ALPK1: variants seen among roughly 807,000 people sequenced by gnomAD.
The protein encoded by ALPK1 is alpha kinase 1, also known as alpha-protein kinase 1.
A neutral mutation model predicts 120.6 loss-of-function variants in ALPK1; 110 were observed. The ratio of observed to expected loss-of-function variants is 0.91; its 90% CI spans 0.78 to 1.07. The LOEUF is 1.07. Among genes scored for constraint, ALPK1 ranks in the 50% least tolerant of loss-of-function variants. The pLI is 0.00. For synonymous variants in ALPK1, 582 were observed against 560.3 expected (o/e 1.04, Z -0.55); for missense variants, 1,498 against 1,483.9 (o/e 1.01, Z -0.16).
intron 3 of ALPK1, among the ~76,000 whole-genome samples, chr4:112,380,450 C>T (rs1731851444): frequency 1.3e-5 from 2 of 152,104 alleles, no homozygotes; most frequent in African/African-American, 4.8e-5. Context: ...AAGCCATCCT[C>T]GGTAATCAGT....
chr4:112,441,309 C>T lies in ALPK1; in HGVS notation c.*99C>T. The T allele has an allele frequency of 4.6e-6, 4 of 871,704 alleles. No homozygotes were observed. Among genetic ancestry groups the T allele is most frequent in the Non-Finnish European group, 8.0e-6 (4 of 502,512 alleles). The allele number at this position is 871,704 out of a possible 1,614,324, so 54.0% of individuals were successfully genotyped here. A position where few individuals can be genotyped will look rare whatever the true frequency, so the allele number is the denominator to read the frequency against. On this transcript the variant is annotated 3_prime_UTR_variant, in exon 16 of 16. Coordinates refer to ENST00000650871, the MANE Select transcript of ALPK1 (RefSeq NM_025144.4). ...GAATTGATCAGTATCACTTTAAGTC[C>T]TGCATTTAATTGGCAGCACAAGATC...
At chr4:112,396,951 T>C (rs1017435202) in intron 4 of ALPK1, among the ~76,000 whole-genome samples, 4 of 152,218 alleles carry the variant, frequency 2.6e-5, no homozygotes, top group African/African-American at 9.6e-5. Flanking sequence ...ATTTTTTTTG[T>C]ATTTTAACAG....
intron 2 of ALPK1, among the ~76,000 whole-genome samples, chr4:112,331,114 G>T (rs1729350725): frequency 6.6e-6 from 1 of 152,180 alleles, no homozygotes; most frequent in South Asian, 2.1e-4. Context: ...AGCCAGATTT[G>T]CTGTGGTAAG....
Position 112,412,864 on chromosome 4 carries a change from C to A in ALPK1, c.475+839C>A, listed in dbSNP as rs533994537. 7.2e-4 allele frequency among the ~76,000 whole-genome samples: 110 copies of A among 152,314 alleles called. 1 individual carries two copies. The highest frequency in any genetic ancestry group is 1.4e-3 in the Non-Finnish European group (97 of 68,018). ...TTAAGAGGTTAAAATCTCTTTACTT[C>A]ATTTCCTTTGAAAAGGAACTGTACT... On this transcript the variant is annotated intron_variant, in intron 5 of 15. Transcript: ENST00000650871.
intron 5 of ALPK1, 55 bp downstream of exon 5, chr4:112,412,080 C>T (rs1333970914): frequency 7.5e-6 from 12 of 1,599,450 alleles, no homozygotes; most frequent in Non-Finnish European, 1.0e-5. Flanking sequence ...TGGTCCCCTT[C>T]CCTCCCGAGC....
chr4:112,358,062 G>T (rs1361502917), intron 2 of ALPK1: 8 of 585,782 alleles, frequency 1.4e-5, no homozygotes, highest in Non-Finnish European at 2.6e-5. Flanking sequence ...GGCCTCCATA[G>T]CCCCCACGCA....
chr4:112,426,578 G>A (rs1028954815), intron 8 of ALPK1, 35 bp downstream of exon 8: 1 of 1,451,180 alleles, frequency 6.9e-7, no homozygotes, highest in African/African-American at 1.5e-5. Context: ...CTCCTTTCCT[G>A]TATTTGTCTT....
chr4:112,337,787 C>A (rs1167507652), intron 2 of ALPK1, among the ~76,000 whole-genome samples: 3 of 152,088 alleles, frequency 2.0e-5, no homozygotes, highest in Admixed American at 6.6e-5. Flanking sequence ...TAATTTAGAG[C>A]TTTTATGAGT....
intron 2 of ALPK1, among the ~76,000 whole-genome samples, chr4:112,351,562 C>T (rs1343951609): frequency 6.6e-6 from 1 of 151,964 alleles, no homozygotes; most frequent in Non-Finnish European, 1.5e-5. Context: ...CAGCCTCTGC[C>T]TCCCGGGTCC....
intron 4 of ALPK1, among the ~76,000 whole-genome samples, chr4:112,392,924 A>AAAAC (rs925035746): frequency 6.6e-6 from 1 of 152,226 alleles, no homozygotes; most frequent in Non-Finnish European, 1.5e-5. Flanking sequence ...GACAGATTTA[A>AAAAC]AAACAAACAA....
At chr4:112,335,327 T>G (rs1484013390) in intron 2 of ALPK1, among the ~76,000 whole-genome samples, 2 of 151,982 alleles carry the variant, frequency 1.3e-5, no homozygotes, top group Non-Finnish European at 2.9e-5. Context: ...TTTTGGGCAC[T>G]TATTGTGATT....
chr4:112,345,127 T>C (rs1027474425), intron 2 of ALPK1, among the ~76,000 whole-genome samples: 1 of 152,226 alleles, frequency 6.6e-6, no homozygotes, highest in Non-Finnish European at 1.5e-5. Context: ...CATTCAGAGT[T>C]GTAGCCTCTG....
chr4:112,362,089 A>G (rs991252444), intron 2 of ALPK1, among the ~76,000 whole-genome samples: 1 of 152,258 alleles, frequency 6.6e-6, no homozygotes, highest in African/African-American at 2.4e-5. Context: ...CCTGAACAGC[A>G]GATCTGAGTC....
At chr4:112,377,304 G>A (rs1268171396) in intron 2 of ALPK1, among the ~76,000 whole-genome samples, 22 of 152,216 alleles carry the variant, frequency 1.4e-4, no homozygotes. Flanking sequence ...AGAACTGCTA[G>A]CCAGATGCTT....
intron 2 of ALPK1, chr4:112,356,942 C>G (rs561982703): frequency 2.6e-6 from 2 of 761,520 alleles, no homozygotes; most frequent in African/African-American, 1.7e-5. Flanking sequence ...CCCCCATGAC[C>G]CGAGTTCGGG....
At chr4:112,408,921 G>A (rs1733322463) in intron 4 of ALPK1, among the ~76,000 whole-genome samples, 1 of 152,060 alleles carries the variant, frequency 6.6e-6, no homozygotes, top group Non-Finnish European at 1.5e-5. Flanking sequence ...ACATAAAAGG[G>A]GATGTGTATT....
At chr4:112,419,114 C>T (rs959849974) in intron 5 of ALPK1, among the ~76,000 whole-genome samples, 1 of 152,124 alleles carries the variant, frequency 6.6e-6, no homozygotes, top group African/African-American at 2.4e-5. Flanking sequence ...TAGTTAGCAA[C>T]AAAACCTAAT....
At chr4:112,423,843 C>A in intron 5 of ALPK1, 101 bp from the exon 6 acceptor site, 3 of 1,074,608 alleles carry the variant, frequency 2.8e-6, no homozygotes, top group Non-Finnish European at 4.3e-6. Flanking sequence ...AAGGAGGTTA[C>A]AGTTCCTGCT....
intron 1 of ALPK1, among the ~76,000 whole-genome samples, chr4:112,310,314 G>A (rs1353960182): frequency 2.6e-5 from 4 of 152,112 alleles, no homozygotes; most frequent in South Asian, 2.1e-4. Flanking sequence ...AGAGATGGTA[G>A]AAGGTTGTAA....
Sources: allele counts gnomAD v4.1 joint callset (sites outside exome capture counted in the v4.1 genomes callset), GRCh38; gene constraint gnomAD v4.1.1; transcripts MANE v1.5; gene names NCBI Gene and HGNC (gene_info 2026-07-23, HGNC 2026-07-21).